Variants in PMPCA observed in about 807,000 individuals in gnomAD.
The protein encoded by PMPCA is peptidase, mitochondrial processing subunit alpha, also known as mitochondrial-processing peptidase subunit alpha.
PMPCA carries 47 observed loss-of-function variants against 59.3 expected under a neutral mutation model. The ratio of observed to expected loss-of-function variants is 0.79; its 90% CI spans 0.63 to 1.01. The LOEUF (loss-of-function observed/expected upper bound fraction) is 1.01. Among genes scored for constraint, PMPCA ranks in the 50% least tolerant of loss-of-function variants. The pLI is 0.00. For synonymous variants in PMPCA, 338 were observed against 290.3 expected (o/e 1.16, Z -1.67); for missense variants, 726 against 704.5 (o/e 1.03, Z -0.34).
intron 7 of PMPCA, among the ~76,000 whole-genome samples, chr9:136,417,591 A>C (rs960439053): frequency 6.6e-6 from 1 of 151,442 alleles, no homozygotes; most frequent in Non-Finnish European, 1.5e-5. Context: ...TTCTGCCTCA[A>C]CTTCCCGAGT....
At chr9:136,411,087 G>T (rs1292921996) in intron 1 of PMPCA, 7 of 260,446 alleles carry the variant, frequency 2.7e-5, no homozygotes, top group African/African-American at 1.1e-4. Flanking sequence ...TGTTAGACCC[G>T]CAGGGTTCTG....
intron 5 of PMPCA, chr9:136,416,063 G>A: frequency 1.7e-6 from 1 of 584,846 alleles, no homozygotes. Flanking sequence ...TCACGTGGCT[G>A]CTTCATGGCT....
At chr9:136,419,553 T>A (rs1238162299) in intron 11 of PMPCA, 1 of 243,570 alleles carries the variant, frequency 4.1e-6, no homozygotes, top group Admixed American at 5.0e-5. Flanking sequence ...CTGGCTCCAT[T>A]CTATGTTTGA....
At chr9:136,419,441 G>A (rs538685754) in intron 11 of PMPCA, 2 of 457,126 alleles carry the variant, frequency 4.4e-6, no homozygotes, top group Admixed American at 3.5e-5. Context: ...CTGGCGAAAC[G>A]CTGCAGGAGT....
intron 6 of PMPCA, 191 bp downstream of exon 6, chr9:136,416,582 G>C: frequency 1.5e-6 from 1 of 650,286 alleles, no homozygotes. Flanking sequence ...GCTCAGCTCA[G>C]GTGATCCTCC....
At chr9:136,421,281 G>A (rs559925538) in intron 11 of PMPCA, among the ~76,000 whole-genome samples, 21 of 152,370 alleles carry the variant, frequency 1.4e-4, no homozygotes, top group African/African-American at 5.0e-4. Context: ...AAGAACTCAA[G>A]GGAGGCACAT....
At chr9:136,416,735 A>G (rs1835287096) in intron 6 of PMPCA, 8 of 593,538 alleles carry the variant, frequency 1.3e-5, no homozygotes, top group Non-Finnish European at 2.4e-5. Flanking sequence ...TACTAAACAC[A>G]ATTAATCTTA....
chr9:136,414,693 G>A (rs1835226795), intron 5 of PMPCA, 46 bp downstream of exon 5: 1 of 1,251,216 alleles, frequency 8.0e-7, no homozygotes, highest in Non-Finnish European at 1.2e-6. Flanking sequence ...TGGACATAGG[G>A]AAGACCGGAA....
intron 6 of PMPCA, chr9:136,416,745 A>T (rs936882019): frequency 1.7e-6 from 1 of 593,442 alleles, no homozygotes; most frequent in African/African-American, 1.9e-5. Context: ...AATTAATCTT[A>T]GGCTTTTTGT....
chr9:136,412,049 A>T lies in PMPCA; in HGVS notation c.124A>T (p.Ile42Phe). ...TAGTAGTGGTGGTGCCTATCCCAAC[A>T]TCCCCCTCTCTTCTCCCTTACCTGG... ...RFSSGGAYPNIPLSSPLPGVP... is the reference protein window; with the variant it reads ...RFSSGGAYPNFPLSSPLPGVP... Residue 42 changes from isoleucine to phenylalanine, a missense_variant, in exon 2 of 13, where the codon ATC (isoleucine) becomes TTC (phenylalanine). By Grantham distance (21) the Ile-to-Phe change is conservative. Coordinates refer to ENST00000371717, the MANE Select transcript of PMPCA (RefSeq NM_015160.3). The T allele has an allele frequency of 6.2e-7, 1 of 1,613,514 alleles. No homozygotes were observed. The highest frequency in any genetic ancestry group is 8.5e-7 in the Non-Finnish European group (1 of 1,179,528).
intron 11 of PMPCA, 105 bp from the exon 12 acceptor site, chr9:136,421,727 A>C (rs949249839): frequency 9.0e-7 from 1 of 1,113,652 alleles, no homozygotes; most frequent in African/African-American, 1.6e-5. Flanking sequence ...TCCCTTTCTT[A>C]TGTTCAGCTT....
In PMPCA at chr9:136,423,642, T is replaced by G; in HGVS notation, c.*378T>G. On this transcript the variant is annotated 3_prime_UTR_variant, in exon 13 of 13. Transcript: ENST00000371717. ...CAAAGCCTCCCGGAGGCCACCGTGC[T>G]GGGTACCAGGACTCACCTCTGACAA... 1 of 237,442 alleles carries G rather than the reference T, an allele frequency of 4.2e-6. No individual in the cohort carries two copies. Among genetic ancestry groups the G allele is most frequent in the African/African-American group, 2.2e-5 (1 of 45,494 alleles). 14.7% of individuals were successfully genotyped at this position (237,442 alleles called of 1,614,324 possible).
intron 6 of PMPCA, 22 bp downstream of exon 6, chr9:136,416,413 T>C (rs376350065): frequency 6.9e-5 from 104 of 1,516,216 alleles, no homozygotes; most frequent in Non-Finnish European, 8.3e-5. Context: ...AACTCGAGAA[T>C]GCCCCCGCAT....
In PMPCA at chr9:136,416,291, A is replaced by G. The variant is rs1227261787; in HGVS notation, c.533A>G (p.Asp178Gly). Residue 178 changes from aspartate (D) to glycine (G), a missense_variant and splice_region_variant, in exon 6 of 13, where the codon GAT becomes GGT. Transcript: ENST00000371717. ...ADVVLQPRLTDEEVEMTRMAV... is the reference protein window; with the variant it reads ...ADVVLQPRLTGEEVEMTRMAV... ...CCCTGGCCTTTGGGTTCTCTTGCAG[A>G]TGAAGAAGTCGAGATGACGCGGATG... 3 of 1,612,156 alleles carry G rather than the reference A, an allele frequency of 1.9e-6. No individual in the cohort carries two copies. The highest frequency in any genetic ancestry group is 1.7e-5 in the Admixed American group (1 of 60,018).
intron 4 of PMPCA, chr9:136,413,094 G>T (rs1351274466): frequency 9.5e-6 from 5 of 527,772 alleles, no homozygotes; most frequent in Non-Finnish European, 1.3e-5. Context: ...ACCCCCGTCA[G>T]TTCCTCCAGG....
intron 5 of PMPCA, 196 bp from the exon 6 acceptor site, chr9:136,416,095 G>T: frequency 3.4e-6 from 2 of 592,452 alleles, no homozygotes; most frequent in Non-Finnish European, 6.0e-6. Context: ...TGAGGCCCAG[G>T]TCCCCTAGCT....
rs201305421 is a variant in PMPCA at position 136,419,105 on chromosome 9, C to T, written c.1262C>T (p.Thr421Met). Reference sequence around the variant, plus strand: ...ATTTTAATGGGCGGAACCGTGGACACGGTAAGTGCAGTGTGGCGCCATTTC... The same window carrying T: ...ATTTTAATGGGCGGAACCGTGGACATGGTAAGTGCAGTGTGGCGCCATTTC... ...EFILMGGTVD[T>M]VELERAKTQL... Residue 421 changes from threonine to methionine, a missense_variant and splice_region_variant, in exon 11 of 13, where the codon ACG becomes ATG. Coordinates refer to ENST00000371717, the MANE Select transcript of PMPCA (RefSeq NM_015160.3). 4.6e-5 allele frequency: 74 copies of T among 1,612,668 alleles called. No homozygotes were observed. The highest frequency in any genetic ancestry group is 5.5e-5 in the Non-Finnish European group (65 of 1,178,738).
Position 136,414,638 on chromosome 9 carries a change from C to T in PMPCA, c.523C>T (p.Arg175Trp), listed in dbSNP as rs375535519. 114 of 1,608,926 alleles carry T rather than the reference C, an allele frequency of 7.1e-5. No homozygotes were observed. The highest frequency in any genetic ancestry group is 9.2e-5 in the Non-Finnish European group (108 of 1,175,470). Residue 175 changes from arginine (R) to tryptophan (W), a missense_variant, in exon 5 of 13, where the codon CGG becomes TGG. Physicochemically the swap from Arg to Trp is moderately radical, Grantham distance 101. Coordinates refer to ENST00000371717, the MANE Select transcript of PMPCA (RefSeq NM_015160.3). ...ALLADVVLQP[R>W]LTDEEVEMTR... ...ACTGGCTGATGTGGTTCTGCAGCCC[C>T]GGCTAACAGGTGTGGATCCCAGCCG...
rs1835175340 is a variant in PMPCA, at chr9:136,412,912, C to G, written c.437+20C>G. The G allele has an allele frequency of 1.4e-6, 2 of 1,448,776 alleles. No individual in the cohort carries two copies. Among genetic ancestry groups the G allele is most frequent in the Non-Finnish European group, 1.9e-6 (2 of 1,031,272 alleles). 89.7% of individuals were successfully genotyped at this position (1,448,776 alleles called of 1,614,324 possible). A position where few individuals can be genotyped will look rare whatever the true frequency, so the allele number is the denominator to read the frequency against. On this transcript the variant is annotated intron_variant, in intron 4 of 12. Coordinates refer to ENST00000371717, the MANE Select transcript of PMPCA (RefSeq NM_015160.3). The stretch of plus-strand genomic sequence containing the variant: ...ATCAAGGTACACCAGCTTTTGTGTA[C>G]AAACTGACTTTGGGTCCTTGGGAAC...
Sources: gnomAD v4.1 joint callset for allele counts (sites outside exome capture counted in the v4.1 genomes callset) on GRCh38, gnomAD v4.1.1 for gene constraint, MANE v1.5 for transcripts, NCBI Gene and HGNC (gene_info 2026-07-23, HGNC 2026-07-21) for gene names.